TSG101: variants seen among roughly 807,000 people sequenced by gnomAD.
TSG101 encodes tumor susceptibility 101, also known as tumor susceptibility gene 101 protein.
A neutral mutation model predicts 48.5 loss-of-function variants in TSG101; 19 were observed. That is an observed-to-expected ratio of 0.39 (90% CI 0.27 to 0.58). The LOEUF is 0.58. Among genes scored for constraint, TSG101 ranks in the 20% least tolerant of loss-of-function variants. TSG101 has a pLI of 0.55. For synonymous variants in TSG101, 174 were observed against 169.4 expected (o/e 1.03, Z -0.21); for missense variants, 365 against 484.4 (o/e 0.75, Z 2.31).
intron 1 of TSG101, among the ~76,000 whole-genome samples, chr11:18,526,408 G>C (rs1186246011): frequency 6.6e-6 from 1 of 152,076 alleles, no homozygotes; most frequent in African/African-American, 2.4e-5. Context: ...GTAGAGGATT[G>C]CCTCAGATCT....
intron 2 of TSG101, among the ~76,000 whole-genome samples, chr11:18,518,319 G>GT (rs1317937293): frequency 1.3e-5 from 2 of 152,120 alleles, no homozygotes; most frequent in African/African-American, 4.8e-5. Context: ...GTTTCCTAAT[G>GT]TTTTCAAAGC....
intron 9 of TSG101, 79 bp downstream of exon 9, chr11:18,481,549 ACT>A (rs1227936815): frequency 6.5e-6 from 10 of 1,534,476 alleles, no homozygotes; most frequent in East Asian, 4.6e-5. Context: ...CTACAAAGAA[ACT>A]CTCTTGGTTT....
intron 5 of TSG101, among the ~76,000 whole-genome samples, chr11:18,509,175 T>C (rs1255432139): frequency 6.6e-6 from 1 of 152,194 alleles, no homozygotes; most frequent in Non-Finnish European, 1.5e-5. Context: ...AACACTGATT[T>C]TGTAGTTGCA....
At chr11:18,493,085 C>T (rs1469034314) in intron 7 of TSG101, among the ~76,000 whole-genome samples, 2 of 152,166 alleles carry the variant, frequency 1.3e-5, no homozygotes, top group Admixed American at 6.5e-5. Flanking sequence ...AACACACTGA[C>T]CTTTTTACTC....
At position 18,506,894 on chromosome 11, in the gene TSG101, T is replaced by C; in HGVS notation, c.511A>G (p.Ile171Val). 6.2e-7 allele frequency: 1 copy of C among 1,607,682 alleles called. No individual in the cohort carries two copies. The highest frequency in any genetic ancestry group is 8.5e-7 in the Non-Finnish European group (1 of 1,176,074). ...TSYMPGMPGG[I>V]SPYPSGYPPN... is the part of the protein sequence containing the mutation. ...GGGTATCCGGATGGGTATGGAGAGA[T>C]TCCACCTGGCATGCCTGGCATGTAG... is the stretch of plus-strand genomic sequence containing the variant. The change falls in exon 6 of 10, where the codon ATC (isoleucine) becomes GTC (valine). Residue 171 changes from isoleucine to valine, a missense_variant. Physicochemically the swap from Ile to Val is conservative, Grantham distance 29 (BLOSUM62 3). Transcript: ENST00000251968.
At chr11:18,509,983 A>T (rs539280176) in intron 4 of TSG101, among the ~76,000 whole-genome samples, 20 of 152,344 alleles carry the variant, frequency 1.3e-4, no homozygotes, top group Non-Finnish European at 2.4e-4. Context: ...ACAATGTATT[A>T]TAAGTATACT....
At chr11:18,506,212 T>C (rs1170361539) in intron 6 of TSG101, among the ~76,000 whole-genome samples, 2 of 152,060 alleles carry the variant, frequency 1.3e-5, no homozygotes, top group Non-Finnish European at 2.9e-5. Flanking sequence ...TGGGCTGCAT[T>C]TTTATTTTAA....
chr11:18,520,770 C>T (rs1850258213), intron 1 of TSG101, among the ~76,000 whole-genome samples: 1 of 152,118 alleles, frequency 6.6e-6, no homozygotes, highest in South Asian at 2.1e-4. Context: ...TGGTGGCTTA[C>T]ACTTGTAATC....
At chr11:18,481,454 C>G in intron 9 of TSG101, 176 bp downstream of exon 9, 8 of 1,408,940 alleles carry the variant, frequency 5.7e-6, no homozygotes, top group Non-Finnish European at 7.4e-6. Context: ...CAGACCAATC[C>G]TCAGTACTCT....
intron 7 of TSG101, among the ~76,000 whole-genome samples, chr11:18,489,436 G>T (rs1454640223): frequency 6.6e-6 from 1 of 152,124 alleles, no homozygotes; most frequent in Non-Finnish European, 1.5e-5. Context: ...CCAGGAAACA[G>T]ATAAGGTCAT....
chr11:18,506,776 C>G, intron 6 of TSG101, 81 bp downstream of exon 6: 1 of 1,129,892 alleles, frequency 8.9e-7, no homozygotes, highest in East Asian at 2.6e-5. Context: ...TATTTTAATG[C>G]CCTAATTAGC....
intron 7 of TSG101, among the ~76,000 whole-genome samples, chr11:18,487,019 C>CA (rs1032341338): frequency 1.3e-5 from 2 of 148,616 alleles, no homozygotes; most frequent in African/African-American, 2.5e-5. Context: ...ATCACAAGGA[C>CA]AAAAAAACCA....
At chr11:18,520,934 G>C (rs1368205775) in intron 1 of TSG101, among the ~76,000 whole-genome samples, 1 of 152,062 alleles carries the variant, frequency 6.6e-6, no homozygotes, top group Non-Finnish European at 1.5e-5. Context: ...AGGAGGCTGA[G>C]GCAGGAGAAT....
intron 6 of TSG101, among the ~76,000 whole-genome samples, chr11:18,503,897 T>G (rs1849927664): frequency 6.6e-6 from 1 of 152,048 alleles, no homozygotes; most frequent in Non-Finnish European, 1.5e-5. Flanking sequence ...CGCATTAAAA[T>G]TACTGATTAA....
chr11:18,525,502 T>C (rs4635056), intron 1 of TSG101, among the ~76,000 whole-genome samples: 146,064 of 147,344 alleles, frequency 0.99, 72,410 homozygotes, highest in Middle Eastern at 1. Flanking sequence ...GCCAAGATCG[T>C]GCCACTGCAC....
At chr11:18,486,994 C>G (rs1849628928) in intron 7 of TSG101, among the ~76,000 whole-genome samples, 1 of 150,942 alleles carries the variant, frequency 6.6e-6, no homozygotes. Flanking sequence ...TGGAAACCAT[C>G]ATTCTCAGCA....
At chr11:18,481,983 G>T in intron 8 of TSG101, 114 bp from the exon 9 acceptor site, 1 of 1,399,280 alleles carries the variant, frequency 7.1e-7, no homozygotes, top group Non-Finnish European at 9.7e-7. Flanking sequence ...ACAACTCATG[G>T]ATGAGAATAA....
chr11:18,502,419 G>C, intron 7 of TSG101, 67 bp downstream of exon 7: 2 of 1,307,394 alleles, frequency 1.5e-6, no homozygotes, highest in Non-Finnish European at 2.1e-6. Flanking sequence ...CAAGTGAAAT[G>C]TGCTTTTCAC....
chr11:18,496,219 T>C lies in TSG101; in HGVS notation c.640+6267A>G, dbSNP rs537491729. Among the ~76,000 whole-genome samples the C allele has an allele frequency of 5.3e-5, 8 of 152,162 alleles. No individual in the cohort carries two copies. The South Asian group carries it at 1.7e-3, about 32-fold the overall frequency. On this transcript the variant is annotated intron_variant, in intron 7 of 9. Transcript: ENST00000251968. ...TGGCTTATGCCTGTAATCCCAGCAC[T>C]TTGGGAGGCCGAGGCAGGTGGATCA...
Sources: gnomAD v4.1 joint callset for allele counts (sites outside exome capture counted in the v4.1 genomes callset) on GRCh38, gnomAD v4.1.1 for gene constraint, MANE v1.5 for transcripts, NCBI Gene and HGNC (gene_info 2026-07-23, HGNC 2026-07-21) for gene names.